Variants in EIF2B3 observed in about 807,000 individuals in gnomAD.
The protein encoded by EIF2B3 is eukaryotic translation initiation factor 2B subunit gamma, also known as translation initiation factor eIF2B subunit gamma.
Under a neutral mutation model 54.1 loss-of-function variants are expected in EIF2B3, and 20 were observed. The observed-to-expected ratio is 0.37, with a 90% CI of 0.26 to 0.54. EIF2B3 has a LOEUF of 0.54. EIF2B3 is among the 20% of genes least tolerant of loss of function. EIF2B3 has a pLI of 0.86. For missense variants in EIF2B3, 448 were observed against 547.8 expected (o/e 0.82, Z 1.82); for synonymous variants, 153 against 188.1 (o/e 0.81, Z 1.52).
intron 10 of EIF2B3, among the ~76,000 whole-genome samples, chr1:44,871,468 G>A (rs973291344): frequency 6.6e-6 from 1 of 152,128 alleles, no homozygotes; most frequent in Non-Finnish European, 1.5e-5. Context: ...AACGCCTCAG[G>A]GAACAATCCA....
chr1:44,887,587 C>T (rs2148909224), intron 6 of EIF2B3, among the ~76,000 whole-genome samples: 1 of 152,302 alleles, frequency 6.6e-6, no homozygotes, highest in East Asian at 1.9e-4. Context: ...TGAGACTCAT[C>T]TAGGGATGCT....
At chr1:44,940,757 G>A (rs947245183) in intron 4 of EIF2B3, 13 of 152,172 alleles carry the variant, frequency 8.5e-5, no homozygotes, top group South Asian at 4.2e-4. Flanking sequence ...GCAACAGAGC[G>A]AGTCTCCATC....
chr1:44,875,695 C>T lies in EIF2B3; in HGVS notation c.976G>A (p.Val326Met), dbSNP rs779245777. Residue 326 changes from valine (V) to methionine (M), a missense_variant and splice_region_variant, in exon 9 of 12, where the codon GTG (valine) becomes ATG (methionine). Around this residue, in one of 3 missense-constraint regions of EIF2B3, gnomAD observed 350 missense variants for 414.2 expected, o/e 0.85. Transcript: ENST00000360403. ...LGLYMEANRQ[V>M]PKLLSALCPE... ...CAGAGAGCAGACAGCAATTTGGGCA[C>T]CTTAAGGACAGAGATTTGGTCACTA... 3 of 1,613,958 alleles carry T rather than the reference C, an allele frequency of 1.9e-6. No individual in the cohort carries two copies. In the African/African-American group the frequency reaches 4.0e-5, roughly 22 times the overall value.
chr1:44,981,024 C>A lies in EIF2B3; in HGVS notation c.145G>T (p.Glu49Ter). The A allele has an allele frequency of 1.2e-6, 2 of 1,613,786 alleles. No individual in the cohort carries two copies. The highest frequency in any genetic ancestry group is 1.7e-6 in the Non-Finnish European group (2 of 1,180,022). Reference protein sequence around the residue: ...PLNLLERVGFEEVIVVTTRDV... With the variant: ...PLNLLERVGF ...AGCTCACTTTGTCATAGCTCACCTT[C>A]AAATCCAACACGCTCAAGCAGGTTC... Residue 49 changes from glutamate (E) to a stop codon, truncating the protein, a stop_gained, in exon 2 of 12, where the codon GAA becomes TAA. Coordinates refer to ENST00000360403, the MANE Select transcript of EIF2B3 (RefSeq NM_020365.5). LOFTEE classifies it high-confidence loss of function.
chr1:44,968,292 G>A (rs1644366007), intron 3 of EIF2B3, among the ~76,000 whole-genome samples: 1 of 150,926 alleles, frequency 6.6e-6, no homozygotes, highest in South Asian at 2.1e-4. Context: ...CTTGAGCCCA[G>A]GAGGTCAGGG....
At chr1:44,960,592 C>T (rs13373817) in intron 3 of EIF2B3, among the ~76,000 whole-genome samples, 25,102 of 151,562 alleles carry the variant, frequency 0.17, 2,156 homozygotes, top group African/African-American at 0.17. Flanking sequence ...GAGCCGAGAT[C>T]GCGCCACTGC....
chr1:44,882,712 TCAAGTGATTCTTGTGCTCCAGCCTCC>T lies in EIF2B3; in HGVS notation c.657-999_657-974del, dbSNP rs1655441998. Among the ~76,000 whole-genome samples the T allele has an allele frequency of 1.3e-5, 2 of 151,768 alleles. 1 individual carries two copies. Among genetic ancestry groups the T allele is most frequent in the South Asian group, 4.2e-4 (2 of 4,806 alleles). On this transcript the variant is annotated intron_variant, in intron 6 of 11. Coordinates refer to ENST00000360403, the MANE Select transcript of EIF2B3 (RefSeq NM_020365.5). ...TCACTGCAACCTCTGCCTCCTGGGTTCAAGTGATTCTTGTGCTCCAGCCTCCCAAGTAGCTGGGACTACAGGCACAT... is the reference window on the plus strand; with the variant it reads ...TCACTGCAACCTCTGCCTCCTGGGTTCAAGTAGCTGGGACTACAGGCACAT...
chr1:44,981,992 T>C (rs1644519362), intron 1 of EIF2B3, among the ~76,000 whole-genome samples: 1 of 147,094 alleles, frequency 6.8e-6, no homozygotes, highest in African/African-American at 2.5e-5. Flanking sequence ...AAAAGATGCC[T>C]GACTAGAATT....
At chr1:44,878,091 G>C (rs1655258092) in intron 8 of EIF2B3, among the ~76,000 whole-genome samples, 1 of 152,196 alleles carries the variant, frequency 6.6e-6, no homozygotes. Context: ...AGACCAGCGT[G>C]AAAGATGCTA....
chr1:44,951,881 A>T (rs895161123), intron 3 of EIF2B3, among the ~76,000 whole-genome samples: 5 of 146,312 alleles, frequency 3.4e-5, no homozygotes, highest in African/African-American at 1.3e-4. Flanking sequence ...TCCGCTTCAC[A>T]GGTTCAAGCA....
At chr1:44,968,422 T>C (rs1644367662) in intron 3 of EIF2B3, among the ~76,000 whole-genome samples, 1 of 146,246 alleles carries the variant, frequency 6.8e-6, no homozygotes, top group African/African-American at 2.5e-5. Context: ...TTACTACATA[T>C]CTAAAAAACA....
At chr1:44,859,523 C>T (rs747345520) in intron 10 of EIF2B3, among the ~76,000 whole-genome samples, 2 of 151,478 alleles carry the variant, frequency 1.3e-5, no homozygotes, top group Non-Finnish European at 1.5e-5. Flanking sequence ...CCAAGCATGG[C>T]GGTGCGCACC....
At chr1:44,918,019 C>T (rs373921339) in intron 5 of EIF2B3, among the ~76,000 whole-genome samples, 2 of 150,024 alleles carry the variant, frequency 1.3e-5, no homozygotes, top group African/African-American at 2.4e-5. Context: ...ATGATCCACC[C>T]GCCTCGGCCT....
intron 3 of EIF2B3, among the ~76,000 whole-genome samples, chr1:44,943,771 G>A (rs1644065970): frequency 6.6e-6 from 1 of 152,174 alleles, no homozygotes; most frequent in African/African-American, 2.4e-5. Flanking sequence ...CAGATTTATA[G>A]TAGTTATGTA....
chr1:44,941,798 C>T, intron 3 of EIF2B3, 133 bp from the exon 4 acceptor site: 2 of 1,062,892 alleles, frequency 1.9e-6, no homozygotes, highest in South Asian at 2.6e-5. Context: ...CATAGCCAAA[C>T]AAGTAAAATA....
At chr1:44,939,258 C>T (rs1347986863) in intron 4 of EIF2B3, among the ~76,000 whole-genome samples, 1 of 152,046 alleles carries the variant, frequency 6.6e-6, no homozygotes, top group Non-Finnish European at 1.5e-5. Flanking sequence ...TCTGGCTCTT[C>T]TCCAGTCCTA....
At chr1:44,935,416 A>G (rs1643936629) in intron 4 of EIF2B3, among the ~76,000 whole-genome samples, 3 of 152,240 alleles carry the variant, frequency 2.0e-5, no homozygotes. Flanking sequence ...ATATGCATAT[A>G]CGGTGTCACT....
At chr1:44,890,124 C>G (rs1174300491) in intron 6 of EIF2B3, among the ~76,000 whole-genome samples, 1 of 152,168 alleles carries the variant, frequency 6.6e-6, no homozygotes, top group African/African-American at 2.4e-5. Flanking sequence ...AGATAAGACT[C>G]TCATGGGAGA....
At chr1:44,978,910 T>A (rs556229757) in intron 2 of EIF2B3, among the ~76,000 whole-genome samples, 1 of 151,938 alleles carries the variant, frequency 6.6e-6, no homozygotes, top group African/African-American at 2.4e-5. Flanking sequence ...GTGTTGTGAT[T>A]ACAGACGTGA....
Sources: allele counts gnomAD v4.1 joint callset (sites outside exome capture counted in the v4.1 genomes callset), GRCh38; gene constraint gnomAD v4.1.1; regional missense constraint gnomAD v4.1.1; transcripts MANE v1.5; gene names NCBI Gene and HGNC (gene_info 2026-07-23, HGNC 2026-07-21).